NETO2: variants seen among roughly 807,000 people sequenced by gnomAD.
NETO2 encodes the protein neuropilin and tolloid-like protein 2.
NETO2 carries 28 observed loss-of-function variants against 62.5 expected under a neutral mutation model. The ratio of observed to expected loss-of-function variants is 0.45; its 90% CI spans 0.33 to 0.61. The LOEUF is 0.61. NETO2 is among the 20% of genes least tolerant of loss of function. The pLI is 0.02. For missense variants in NETO2, 548 were observed against 643.2 expected (o/e 0.85, Z 1.60); for synonymous variants, 214 against 219.1 (o/e 0.98, Z 0.21).
chr16:47,087,182 T>C (rs1963210799), intron 7 of NETO2, among the ~76,000 whole-genome samples: 1 of 152,052 alleles, frequency 6.6e-6, no homozygotes, highest in Non-Finnish European at 1.5e-5. Flanking sequence ...GCACGAGCCA[T>C]GCCTGGCTAA....
At chr16:47,117,958 G>A (rs1280292293) in intron 6 of NETO2, among the ~76,000 whole-genome samples, 1 of 151,990 alleles carries the variant, frequency 6.6e-6, no homozygotes, top group Admixed American at 6.6e-5. Flanking sequence ...AAAGATTTTT[G>A]GATAGTTCTT....
At chr16:47,126,153 G>C (rs2151488504) in intron 4 of NETO2, among the ~76,000 whole-genome samples, 1 of 152,258 alleles carries the variant, frequency 6.6e-6, no homozygotes, top group African/African-American at 2.4e-5. Context: ...GCATGTATTA[G>C]AATTTACTCA....
chr16:47,126,991 C>T (rs999919184), intron 4 of NETO2, among the ~76,000 whole-genome samples: 8 of 152,150 alleles, frequency 5.3e-5, no homozygotes, highest in Non-Finnish European at 1.2e-4. Flanking sequence ...GTACCATAAT[C>T]CCAATCTTGT....
In NETO2 at chr16:47,143,641, G is replaced by A; in HGVS notation, c.-29C>T. The A allele has an allele frequency of 4.9e-6, 6 of 1,220,128 alleles. No individual in the cohort carries two copies. Among genetic ancestry groups the A allele is most frequent in the Non-Finnish European group, 6.1e-6 (6 of 977,368 alleles). The allele number at this position is 1,220,128 out of a possible 1,614,324, so 75.6% of individuals were successfully genotyped here. On this transcript the variant is annotated 5_prime_UTR_variant, in exon 1 of 9. Coordinates refer to ENST00000562435, the MANE Select transcript of NETO2 (RefSeq NM_018092.5). ...CCCGAGCTGCCCGGCGCTTCGCGAA[G>A]GGCTGAGGTAGCGGCGGCGGTGGCT...
chr16:47,107,982 G>T (rs966340865), intron 7 of NETO2, among the ~76,000 whole-genome samples: 2 of 152,174 alleles, frequency 1.3e-5, no homozygotes, highest in Non-Finnish European at 1.5e-5. Context: ...TCCCCATGTT[G>T]CCCAGGCTGG....
rs1555496245 is a variant in NETO2 at position 47,094,281 on chromosome 16, T to TTA, written c.884-7943_884-7942insTA. 6.7e-3 allele frequency among the ~76,000 whole-genome samples: 1,013 copies of TTA among 151,486 alleles called. 13 individuals are homozygous for TTA. The highest frequency in any genetic ancestry group is 0.024 in the African/African-American group (970 of 41,262). On this transcript the variant is annotated intron_variant, in intron 7 of 8. Transcript: ENST00000562435. ...CACTTGGATTTTTTTTTTTTTTTTT[T>TTA]AATCCTTAGCTAATTGGCTGAGGAG...
rs992444197 is a variant in NETO2, at chr16:47,081,900, A to G, written c.*1321T>C. ...CTAAATACAGTAACAAAAGGAAAGA[A>G]AGAGCTTATGTCCACATTTCCAAGG... On this transcript the variant is annotated 3_prime_UTR_variant, in exon 9 of 9. Coordinates refer to ENST00000562435, the MANE Select transcript of NETO2 (RefSeq NM_018092.5). 6 of 152,620 alleles carry G rather than the reference A, an allele frequency of 3.9e-5. No individual in the cohort carries two copies. Among genetic ancestry groups the G allele is most frequent in the Non-Finnish European group, 7.4e-5 (5 of 68,010 alleles). The allele number at this position is 152,620 out of a possible 1,614,324, so 9.5% of individuals were successfully genotyped here.
chr16:47,083,771 A>G lies in NETO2; in HGVS notation c.1028T>C (p.Ile343Thr). ...EKKKAGVFEQ[I>T]TKTHGTIIGI... ...AATAATTGTTCCATGAGTCTTAGTG[A>G]TTTGTTCAAATACTCCTGCTTTTTT... Residue 343 changes from isoleucine to threonine, a missense_variant, in exon 9 of 9, where the codon ATC becomes ACC. By Grantham distance (89) the Ile-to-Thr change is moderately conservative. Transcript: ENST00000562435. 1 of 1,605,170 alleles carries G rather than the reference A, an allele frequency of 6.2e-7. No individual in the cohort carries two copies. The highest frequency in any genetic ancestry group is 8.5e-7 in the Non-Finnish European group (1 of 1,173,626).
intron 1 of NETO2, 36 bp downstream of exon 1, chr16:47,143,542 AG>A (rs1370667453): frequency 2.5e-6 from 3 of 1,220,618 alleles, no homozygotes; most frequent in Admixed American, 4.3e-5. Context: ...CTCGGCCCGC[AG>A]GGGGCGCCGT....
chr16:47,107,057 C>T (rs1371433572), intron 7 of NETO2, among the ~76,000 whole-genome samples: 2 of 152,218 alleles, frequency 1.3e-5, no homozygotes, highest in Non-Finnish European at 2.9e-5. Flanking sequence ...GCTGGGATTA[C>T]AGGTGTGAGC....
At chr16:47,098,854 G>A (rs1555496643) in intron 7 of NETO2, among the ~76,000 whole-genome samples, 1 of 152,204 alleles carries the variant, frequency 6.6e-6, no homozygotes, top group Non-Finnish European at 1.5e-5. Context: ...CAAGCCACAA[G>A]AGAGTGGGGG....
At chr16:47,091,163 T>C (rs893268253) in intron 7 of NETO2, among the ~76,000 whole-genome samples, 9 of 152,234 alleles carry the variant, frequency 5.9e-5, no homozygotes, top group Non-Finnish European at 1.2e-4. Context: ...CTTATTTTAA[T>C]CACACACACT....
intron 7 of NETO2, among the ~76,000 whole-genome samples, chr16:47,107,555 C>T (rs1371405667): frequency 6.6e-6 from 1 of 152,176 alleles, no homozygotes; most frequent in African/African-American, 2.4e-5. Flanking sequence ...AGGTTTCTCG[C>T]TGTTTAAGAT....
intron 2 of NETO2, 73 bp from the exon 3 acceptor site, chr16:47,129,437 T>G: frequency 6.8e-7 from 1 of 1,473,416 alleles, no homozygotes; most frequent in Non-Finnish European, 9.4e-7. Context: ...CCCACCACTT[T>G]CCAAACGATT....
intron 6 of NETO2, among the ~76,000 whole-genome samples, chr16:47,112,532 G>C (rs1596724641): frequency 6.6e-6 from 1 of 152,006 alleles, no homozygotes; most frequent in African/African-American, 2.4e-5. Flanking sequence ...CTAATTTTTT[G>C]TATTTTTAGT....
intron 4 of NETO2, among the ~76,000 whole-genome samples, chr16:47,124,269 G>T (rs1964107187): frequency 6.6e-6 from 1 of 152,064 alleles, no homozygotes; most frequent in African/African-American, 2.4e-5. Flanking sequence ...TAAACGGCAT[G>T]GCGGAGGGGA....
chr16:47,080,526 A>G lies in NETO2; in HGVS notation c.*2695T>C, dbSNP rs930728382. ...AAGATTAAAGGCTGTATATACAGCA[A>G]TTAGCATTATTCTGGCAATAATGCC... is the stretch of plus-strand genomic sequence containing the variant. On this transcript the variant is annotated 3_prime_UTR_variant, in exon 9 of 9. Transcript: ENST00000562435. 1.3e-5 allele frequency: 2 copies of G among 152,238 alleles called. No individual in the cohort carries two copies. The highest frequency in any genetic ancestry group is 2.9e-5 in the Non-Finnish European group (2 of 68,044). The allele number at this position is 152,238 out of a possible 1,614,324, so 9.4% of individuals were successfully genotyped here. A position where few individuals can be genotyped will look rare whatever the true frequency, so the allele number is the denominator to read the frequency against.
chr16:47,136,877 T>C (rs1479346955), intron 1 of NETO2, among the ~76,000 whole-genome samples: 1 of 151,792 alleles, frequency 6.6e-6, no homozygotes, highest in Non-Finnish European at 1.5e-5. Flanking sequence ...ATTATGTATA[T>C]ATTTTGAGGT....
chr16:47,112,213 T>C (rs1049232359), intron 6 of NETO2, among the ~76,000 whole-genome samples: 9 of 152,296 alleles, frequency 5.9e-5, no homozygotes, highest in African/African-American at 2.2e-4. Context: ...CCACCGTGAC[T>C]GGCTTCTTTT....
Sources: allele counts gnomAD v4.1 joint callset (sites outside exome capture counted in the v4.1 genomes callset), GRCh38; gene constraint gnomAD v4.1.1; transcripts MANE v1.5; gene names NCBI Gene and HGNC (gene_info 2026-07-23, HGNC 2026-07-21).